GOLGA6L24: variants seen among roughly 807,000 people sequenced by gnomAD.
The protein encoded by GOLGA6L24 is golgin subfamily A member 6-like protein 24.
At chr15:28,351,279 TC>T in the GOLGA6L24 span, 13 of 300,822 alleles carry the variant, frequency 4.3e-5, no homozygotes, top group East Asian at 1.0e-4. Flanking sequence ...TGCTCCCGTA[TC>T]TTCTCCTCCT....
the GOLGA6L24 span, among the ~76,000 whole-genome samples, chr15:28,352,442 TA>T: frequency 3.0e-3 from 6 of 1,998 alleles, no homozygotes; most frequent in African/African-American, 4.6e-3. Flanking sequence ...CATGATCCTT[TA>T]AAAAAATATT....
chr15:28,354,844 G>C, the GOLGA6L24 span: 3 of 1,606,674 alleles, frequency 1.9e-6, no homozygotes, highest in Middle Eastern at 1.7e-4. Flanking sequence ...GACATGTAAG[G>C]ATTCGTATGG....
the GOLGA6L24 span, chr15:28,354,979 C>G: frequency 6.2e-7 from 1 of 1,611,492 alleles, no homozygotes; most frequent in Non-Finnish European, 8.5e-7. Context: ...CTTAGGGCTT[C>G]CTGATGTTGG....
At chr15:28,355,116 C>A in the GOLGA6L24 span, 1 of 1,123,886 alleles carries the variant, frequency 8.9e-7, no homozygotes, top group Non-Finnish European at 1.3e-6. Context: ...ACCCATGGGA[C>A]CAGTTTATCA....
the GOLGA6L24 span, chr15:28,354,909 G>A: frequency 6.2e-7 from 1 of 1,607,968 alleles, no homozygotes; most frequent in African/African-American, 1.3e-5. Context: ...GAGAAGCAAA[G>A]AAACATTCTC....
At chr15:28,352,606 T>TAG in the GOLGA6L24 span, 1 of 131,226 alleles carries the variant, frequency 7.6e-6, no homozygotes, top group Non-Finnish European at 1.3e-5. Flanking sequence ...GCATGATCCC[T>TAG]AGACCATGGT....
chr15:28,355,114 G>A, the GOLGA6L24 span: 1 of 1,188,802 alleles, frequency 8.4e-7, no homozygotes, highest in African/African-American at 1.5e-5. Context: ...CCACCCATGG[G>A]ACCAGTTTAT....
At chr15:28,353,400 T>A in the GOLGA6L24 span, among the ~76,000 whole-genome samples, 1 of 151,594 alleles carries the variant, frequency 6.6e-6, no homozygotes, top group South Asian at 2.1e-4. Context: ...TGGCAGAGTT[T>A]CATTCTTGTT....
chr15:28,353,812 T>TA, the GOLGA6L24 span, among the ~76,000 whole-genome samples: 2 of 149,590 alleles, frequency 1.3e-5, no homozygotes, highest in Non-Finnish European at 3.0e-5. Context: ...TTGGAGCCTT[T>TA]ATTGGGTGCT....
chr15:28,351,218 ATCTCCTCCTGCTCCCGTATCT>A, the GOLGA6L24 span: 1 of 95,980 alleles, frequency 1.0e-5, no homozygotes, highest in Admixed American at 2.0e-4. Flanking sequence ...CTCCCTCCAC[ATCTCCTCCTGCTCCCGTATCT>A]TCTCCTCCTG....
chr15:28,351,196 C>A, the GOLGA6L24 span: 1 of 356,830 alleles, frequency 2.8e-6, no homozygotes, highest in Non-Finnish European at 5.1e-6. Flanking sequence ...CCTGCTCATG[C>A]ATCTTCTCTT....
At chr15:28,354,876 G>C in the GOLGA6L24 span, 1 of 1,607,782 alleles carries the variant, frequency 6.2e-7, no homozygotes, top group African/African-American at 1.3e-5. Flanking sequence ...GCCTTTGGGA[G>C]AAAAGACAAG....
At chr15:28,353,405 CT>C in the GOLGA6L24 span, among the ~76,000 whole-genome samples, 1 of 143,714 alleles carries the variant, frequency 7.0e-6, no homozygotes, top group African/African-American at 2.6e-5. Context: ...GAGTTTCATT[CT>C]TGTTGCCCTC....
At chr15:28,351,183 TCTC>T in the GOLGA6L24 span, 1 of 175,258 alleles carries the variant, frequency 5.7e-6, no homozygotes, top group Non-Finnish European at 1.1e-5. Context: ...TCCCATATCT[TCTC>T]CTGCTCATGC....
the GOLGA6L24 span, chr15:28,354,801 T>C: frequency 1.9e-6 from 3 of 1,603,342 alleles, no homozygotes; most frequent in Middle Eastern, 1.8e-4. Flanking sequence ...GCATGCTGGC[T>C]GTAGTAAAGT....
At chr15:28,350,793 TCTC>T in the GOLGA6L24 span, 5 of 360,174 alleles carry the variant, frequency 1.4e-5, no homozygotes, top group Non-Finnish European at 1.5e-5. Flanking sequence ...TCCCATATCT[TCTC>T]CTCCTGCTCC....
the GOLGA6L24 span, among the ~76,000 whole-genome samples, chr15:28,355,557 G>C: frequency 2.7e-5 from 1 of 37,690 alleles, no homozygotes; most frequent in East Asian, 3.8e-4. Flanking sequence ...CAGAGGTGGA[G>C]TGCGAGAAAA....
chr15:28,354,825 C>CA, the GOLGA6L24 span: 1 of 1,605,442 alleles, frequency 6.2e-7, no homozygotes, highest in South Asian at 1.1e-5. Flanking sequence ...ATCTGAAGCT[C>CA]AGTTTTCTGA....
chr15:28,353,448 C>G, the GOLGA6L24 span, among the ~76,000 whole-genome samples: 1 of 151,694 alleles, frequency 6.6e-6, no homozygotes, highest in African/African-American at 2.4e-5. Context: ...CTCAGCTCAC[C>G]ACAACCTACA....
Sources: allele counts gnomAD v4.1 joint callset (sites outside exome capture counted in the v4.1 genomes callset), GRCh38; gene constraint gnomAD v4.1.1; transcripts MANE v1.5; gene names NCBI Gene and HGNC (gene_info 2026-07-23, HGNC 2026-07-21).